Variants in SCN11A observed in about 807,000 individuals in gnomAD.
The protein encoded by SCN11A is sodium channel protein type 11 subunit alpha.
SCN11A carries 122 observed loss-of-function variants against 162.2 expected under a neutral mutation model. That is an observed-to-expected ratio of 0.75 (90% CI 0.65 to 0.87). The LOEUF (loss-of-function observed/expected upper bound fraction) is 0.87. Ranked by LOEUF, SCN11A falls within the 40% of genes least tolerant of loss-of-function variation. The pLI is 0.00. For synonymous variants in SCN11A, 758 were observed against 751.5 expected (o/e 1.01, Z -0.14); for missense variants, 2,015 against 2,181.6 (o/e 0.92, Z 1.52).
chr3:39,028,665 C>T lies in SCN11A; in HGVS notation c.-280+3715G>A, dbSNP rs545161611. 1.4e-3 allele frequency among the ~76,000 whole-genome samples: 208 copies of T among 152,258 alleles called. 1 individual carries two copies. Among genetic ancestry groups the T allele is most frequent in the African/African-American group, 4.8e-3 (201 of 41,534 alleles). ...GCATGATGACAGCTTCTGGCAAGAG[C>T]TTTGTACTGCATCATAACTTGGCAA... On this transcript the variant is annotated intron_variant, in intron 2 of 29. Transcript: ENST00000302328.
At chr3:38,908,286 G>A (rs192339284) in intron 13 of SCN11A, among the ~76,000 whole-genome samples, 164 bp from the exon 14 acceptor site, 2 of 152,148 alleles carry the variant, frequency 1.3e-5, no homozygotes, top group Non-Finnish European at 1.5e-5. Context: ...ATTTATCTGG[G>A]GAAACATGTC....
intron 8 of SCN11A, among the ~76,000 whole-genome samples, chr3:38,925,975 T>G (rs2066134717): frequency 6.6e-6 from 1 of 152,212 alleles, no homozygotes; most frequent in African/African-American, 2.4e-5. Context: ...ATCTTTGAAC[T>G]TCAAATGTAA....
chr3:39,037,224 T>C (rs1393516817), intron 1 of SCN11A, among the ~76,000 whole-genome samples: 1 of 152,144 alleles, frequency 6.6e-6, no homozygotes, highest in East Asian at 1.9e-4. Context: ...AAGCCAGGCA[T>C]AGAAAAACAA....
chr3:38,986,867 C>A (rs542443302), intron 2 of SCN11A, among the ~76,000 whole-genome samples: 1 of 152,278 alleles, frequency 6.6e-6, no homozygotes, highest in East Asian at 1.9e-4. Flanking sequence ...TCTCTTGGAG[C>A]AAGGATCTAT....
intron 2 of SCN11A, among the ~76,000 whole-genome samples, chr3:38,963,347 T>G (rs1228765597): frequency 1.2e-5 from 1 of 81,648 alleles, no homozygotes; most frequent in Non-Finnish European, 2.7e-5. Context: ...TATATCTATT[T>G]GATGGATATA....
At chr3:39,027,550 T>G (rs2031621967) in intron 2 of SCN11A, among the ~76,000 whole-genome samples, 2 of 152,214 alleles carry the variant, frequency 1.3e-5, no homozygotes, top group Non-Finnish European at 2.9e-5. Flanking sequence ...TGGGCAAATT[T>G]CTCAAGCAAA....
intron 17 of SCN11A, among the ~76,000 whole-genome samples, chr3:38,898,267 T>G (rs1271087663): frequency 1.3e-5 from 2 of 152,166 alleles, no homozygotes; most frequent in Admixed American, 1.3e-4. Context: ...ATCAAAAGGA[T>G]ATTTCATGAT....
chr3:39,046,682 C>G (rs181022685), intron 1 of SCN11A, among the ~76,000 whole-genome samples: 216 of 152,246 alleles, frequency 1.4e-3, no homozygotes, highest in African/African-American at 4.9e-3. Flanking sequence ...ACCAATGGAA[C>G]AGAATAGAGA....
In SCN11A at chr3:39,016,714, C is replaced by T. The variant is rs183259829; in HGVS notation, c.-280+15666G>A. 6.7e-3 allele frequency among the ~76,000 whole-genome samples: 1,013 copies of T among 151,994 alleles called. 6 individuals are homozygous for T. The highest frequency in any genetic ancestry group is 0.011 in the Non-Finnish European group (750 of 67,958). ...ACCTCCTGGGTTCAAACAATTCTTC[C>T]GCCTCAGCCTCCCAAGTAGCTGGGA... On this transcript the variant is annotated intron_variant, in intron 2 of 29. Transcript: ENST00000302328.
In SCN11A at chr3:38,863,220, G is replaced by A; in HGVS notation, c.4031C>T (p.Pro1344Leu). 6.2e-7 allele frequency: 1 copy of A among 1,600,538 alleles called. No individual in the cohort carries two copies. The highest frequency in any genetic ancestry group is 8.6e-7 in the Non-Finnish European group (1 of 1,168,090). ...CAGAGGCCGTGGAATGGGTTTTTGA[G>A]GTTTTTTGGATCCTAATTTTTTCAT... ...NAMKKLGSKK[P>L]QKPIPRPLNK... The change falls in exon 28 of 30, where the codon CCT becomes CTT. Residue 1344 changes from proline (P) to leucine (L), a missense_variant. By Grantham distance (98) the Pro-to-Leu change is moderately conservative. Coordinates refer to ENST00000302328, the MANE Select transcript of SCN11A (RefSeq NM_001349253.2).
At chr3:38,977,091 A>G (rs1378684025) in intron 2 of SCN11A, among the ~76,000 whole-genome samples, 1 of 152,174 alleles carries the variant, frequency 6.6e-6, no homozygotes, top group African/African-American at 2.4e-5. Context: ...ACCTCCTACC[A>G]TGGATTTGGA....
intron 2 of SCN11A, among the ~76,000 whole-genome samples, chr3:38,960,920 G>C (rs2066734905): frequency 6.6e-6 from 1 of 152,184 alleles, no homozygotes; most frequent in South Asian, 2.1e-4. Context: ...TGGTCATCCA[G>C]ACAACTCTGC....
chr3:38,856,717 A>AAAAT lies in SCN11A; in HGVS notation c.4057-5970_4057-5967dup, dbSNP rs542089529. 2.3e-4 allele frequency among the ~76,000 whole-genome samples: 35 copies of AAAAT among 152,290 alleles called. No individual in the cohort carries two copies. In the South Asian group the frequency reaches 5.8e-3, roughly 25 times the overall value. On this transcript the variant is annotated intron_variant, in intron 28 of 29. Coordinates refer to ENST00000302328, the MANE Select transcript of SCN11A (RefSeq NM_001349253.2). The stretch of plus-strand genomic sequence containing the variant: ...AAGTCAGTAAATAAAACACTGGGAA[A>AAAAT]AAATAAATAAATAAATAAATAAAAA...
rs2066572410 is a variant in SCN11A, at chr3:38,949,731, A to G, written c.267+365T>C. On this transcript the variant is annotated intron_variant, in intron 5 of 29. Coordinates refer to ENST00000302328, the MANE Select transcript of SCN11A (RefSeq NM_001349253.2). ...TATTATACAGATTTTAAAAGTGAAG[A>G]TTAGTAAAGTGACTTGCCCAGAGTC... Among the ~76,000 whole-genome samples the G allele has an allele frequency of 2.6e-5, 4 of 152,236 alleles. No homozygotes were observed. In the South Asian group the frequency reaches 8.3e-4, roughly 31 times the overall value.
chr3:38,908,157 T>C (rs1211663144), intron 13 of SCN11A, 35 bp from the exon 14 acceptor site: 2 of 1,583,964 alleles, frequency 1.3e-6, no homozygotes, highest in Non-Finnish European at 8.6e-7. Flanking sequence ...AAGAACAGAT[T>C]ACACCTCCTC....
At chr3:38,926,276 C>T (rs1055386403) in intron 8 of SCN11A, among the ~76,000 whole-genome samples, 4 of 152,164 alleles carry the variant, frequency 2.6e-5, no homozygotes, top group Non-Finnish European at 5.9e-5. Flanking sequence ...AAAGCCAAAA[C>T]TACAGAACTT....
At chr3:38,996,260 T>C (rs2030629425) in intron 2 of SCN11A, among the ~76,000 whole-genome samples, 1 of 152,208 alleles carries the variant, frequency 6.6e-6, no homozygotes, top group Non-Finnish European at 1.5e-5. Context: ...AGGCACTGGT[T>C]CACAGAGAAA....
chr3:38,929,854 T>G (rs1174586438), intron 7 of SCN11A, among the ~76,000 whole-genome samples: 1 of 152,120 alleles, frequency 6.6e-6, no homozygotes. Flanking sequence ...CCTTCTGCCA[T>G]GGGATGATGC....
chr3:38,865,126 T>C (rs2065021694), intron 27 of SCN11A, among the ~76,000 whole-genome samples: 1 of 152,210 alleles, frequency 6.6e-6, no homozygotes, highest in Non-Finnish European at 1.5e-5. Flanking sequence ...TAAGGGCGTA[T>C]ATGGCTTAGA....
Sources: allele counts gnomAD v4.1 joint callset (sites outside exome capture counted in the v4.1 genomes callset), GRCh38; gene constraint gnomAD v4.1.1; transcripts MANE v1.5; gene names NCBI Gene and HGNC (gene_info 2026-07-23, HGNC 2026-07-21).